The following PRORP variants were observed in gnomAD, a reference collection of about 807,000 sequenced individuals.
PRORP encodes mitochondrial ribonuclease P catalytic subunit.
In PRORP, 51 loss-of-function variants were observed where a neutral mutation model predicts 59.4. That is an observed-to-expected ratio of 0.86 (90% CI 0.69 to 1.08). PRORP has a LOEUF of 1.08. Ranked by LOEUF, PRORP falls within the 50% of genes least tolerant of loss-of-function variation. The pLI is 0.00. For missense variants in PRORP, 646 were observed against 690.3 expected (o/e 0.94, Z 0.72); for synonymous variants, 231 against 245.6 (o/e 0.94, Z 0.55).
chr14:35,136,768 T>G lies in PRORP; in HGVS notation c.1167+9157T>G, dbSNP rs1293533863. On this transcript the variant is annotated intron_variant, in intron 4 of 7. Transcript: ENST00000534898. ...TGGAGGTTTGGGGACCATCACATAATAGTAATAGGTTAAATGCGAAGAGTG... is the reference window on the plus strand; with the variant it reads ...TGGAGGTTTGGGGACCATCACATAAGAGTAATAGGTTAAATGCGAAGAGTG... Among the ~76,000 whole-genome samples the G allele has an allele frequency of 1.4e-5, 2 of 144,762 alleles. 1 individual carries two copies. Among genetic ancestry groups the G allele is most frequent in the African/African-American group, 4.9e-5 (2 of 40,862 alleles). The allele number at this position is 144,762 out of a possible 152,430, so 95.0% of individuals were successfully genotyped here.
At chr14:35,194,993 T>TAA (rs55643733) in intron 5 of PRORP, among the ~76,000 whole-genome samples, 150,752 of 152,288 alleles carry the variant, frequency 0.99, 74,631 homozygotes, top group East Asian at 1. Context: ...CACATGATTT[T>TAA]GTTTTATTTA....
In PRORP at chr14:35,197,059, C is replaced by G. The variant is rs8021037; in HGVS notation, c.1275+16282C>G. Among the ~76,000 whole-genome samples the G allele has an allele frequency of 6.9e-3, 1,046 of 152,310 alleles. 3 individuals carry two copies. Among genetic ancestry groups the G allele is most frequent in the Non-Finnish European group, 0.011 (744 of 68,026 alleles). ...AGATTTCCCCAATTGTTGTAGAAGTCAAGTGATCCAGTGTCTTTGAACAGC... is the reference window on the plus strand; with the variant it reads ...AGATTTCCCCAATTGTTGTAGAAGTGAAGTGATCCAGTGTCTTTGAACAGC... On this transcript the variant is annotated intron_variant, in intron 5 of 7. Coordinates refer to ENST00000534898, the MANE Select transcript of PRORP (RefSeq NM_014672.4).
At chr14:35,272,682 A>G (rs974349254) in intron 7 of PRORP, among the ~76,000 whole-genome samples, 2 of 152,238 alleles carry the variant, frequency 1.3e-5, no homozygotes, top group Non-Finnish European at 2.9e-5. Context: ...TATGGATGAA[A>G]TAAGACTAGA....
At chr14:35,234,428 G>A (rs112446279) in intron 5 of PRORP, among the ~76,000 whole-genome samples, 3,332 of 152,162 alleles carry the variant, frequency 0.022, 55 homozygotes, top group South Asian at 0.061. Context: ...AGCTTTGTTT[G>A]TCCTTTGATC....
rs188052445 is a variant in PRORP at position 35,263,696 on chromosome 14, T to A, written c.1276-3031T>A. 4.0e-3 allele frequency among the ~76,000 whole-genome samples: 611 copies of A among 151,960 alleles called. 2 individuals are homozygous for A. The highest frequency in any genetic ancestry group is 0.016 in the South Asian group (79 of 4,812). ...GAGCAAGACTCTGTCTCAAAAAAAA[T>A]AATAATAATAATATTGGGTACTCCG... On this transcript the variant is annotated intron_variant, in intron 5 of 7. Transcript: ENST00000534898.
intron 5 of PRORP, among the ~76,000 whole-genome samples, chr14:35,265,717 A>G (rs1003552188): frequency 6.6e-6 from 1 of 152,228 alleles, no homozygotes; most frequent in African/African-American, 2.4e-5. Flanking sequence ...AAGAAGTAGA[A>G]GCTTTTATTC....
chr14:35,264,724 T>C (rs2050997162), intron 5 of PRORP, among the ~76,000 whole-genome samples: 1 of 152,088 alleles, frequency 6.6e-6, no homozygotes. Context: ...CTCACGCCTG[T>C]AATCCCAACA....
intron 4 of PRORP, among the ~76,000 whole-genome samples, chr14:35,163,306 T>A (rs2048107048): frequency 6.6e-6 from 1 of 152,160 alleles, no homozygotes; most frequent in African/African-American, 2.4e-5. Context: ...TTATGTACTC[T>A]TGCTGTATTT....
At chr14:35,257,786 TAAAACCTCAGG>T (rs2050797069) in intron 5 of PRORP, among the ~76,000 whole-genome samples, 1 of 152,134 alleles carries the variant, frequency 6.6e-6, no homozygotes, top group Non-Finnish European at 1.5e-5. Flanking sequence ...CTACAATCCA[TAAAACCTCAGG>T]AAGTGCCATA....
intron 4 of PRORP, among the ~76,000 whole-genome samples, chr14:35,165,633 G>A (rs1321712187): frequency 9.0e-6 from 1 of 111,488 alleles, no homozygotes; most frequent in Non-Finnish European, 1.9e-5. Context: ...ACGATTAGGT[G>A]ATTTTTTTCA....
intron 4 of PRORP, among the ~76,000 whole-genome samples, chr14:35,150,075 G>C (rs1280409572): frequency 6.6e-6 from 1 of 152,048 alleles, no homozygotes; most frequent in African/African-American, 2.4e-5. Context: ...GGAACTTCTG[G>C]CCTCAAGTGA....
Position 35,273,740 on chromosome 14 carries a change from T to G in PRORP, c.*174T>G. On this transcript the variant is annotated 3_prime_UTR_variant, in exon 8 of 8. Coordinates refer to ENST00000534898, the MANE Select transcript of PRORP (RefSeq NM_014672.4). ...TGAGATATATCTTTTCATAACCAGCTGCGTTTTTTTCCCCTAACATTTGTT... is the reference window on the plus strand; with the variant it reads ...TGAGATATATCTTTTCATAACCAGCGGCGTTTTTTTCCCCTAACATTTGTT... The G allele has an allele frequency of 3.8e-6, 2 of 520,272 alleles. No homozygotes were observed. The highest frequency in any genetic ancestry group is 1.0e-4 in the South Asian group (2 of 19,844). The allele number at this position is 520,272 out of a possible 1,614,324, so 32.2% of individuals were successfully genotyped here.
chr14:35,194,799 A>G (rs2048969466), intron 5 of PRORP, among the ~76,000 whole-genome samples: 1 of 152,200 alleles, frequency 6.6e-6, no homozygotes, highest in South Asian at 2.1e-4. Flanking sequence ...GTAGCATCCA[A>G]TATATAATCT....
chr14:35,243,431 G>A (rs1178642999), intron 5 of PRORP, among the ~76,000 whole-genome samples: 1 of 151,972 alleles, frequency 6.6e-6, no homozygotes, highest in Non-Finnish European at 1.5e-5. Context: ...ACCTACTTGG[G>A]AGGCTGAGGC....
Position 35,123,665 on chromosome 14 carries a change from C to G in PRORP, c.420C>G (p.Phe140Leu), listed in dbSNP as rs762093457. 1.2e-6 allele frequency: 2 copies of G among 1,614,172 alleles called. No individual in the cohort carries two copies. The highest frequency in any genetic ancestry group is 1.7e-6 in the Non-Finnish European group (2 of 1,180,042). Residue 140 changes from phenylalanine to leucine, a missense_variant, in exon 2 of 8, where the codon TTC (phenylalanine) becomes TTG (leucine). Transcript: ENST00000534898. ...DLKENTGKTS[F>L]ESWIISQMAG... ...AAGAAAACACCGGAAAGACCAGTTT[C>G]GAAAGTTGGATCATTTCACAGATGG...
At chr14:35,265,945 G>A (rs1467159232) in intron 5 of PRORP, among the ~76,000 whole-genome samples, 2 of 150,890 alleles carry the variant, frequency 1.3e-5, no homozygotes, top group East Asian at 3.9e-4. Context: ...GGACGCCAAG[G>A]CAGGAGAATT....
At chr14:35,180,521 A>AGTGTGTGT (rs1422498163) in intron 4 of PRORP, 149 bp from the exon 5 acceptor site, 19 of 467,002 alleles carry the variant, frequency 4.1e-5, no homozygotes, top group African/African-American at 2.5e-4. Context: ...TCATTTGTAG[A>AGTGTGTGT]GTATCTGTGT....
chr14:35,177,005 G>A (rs1241150393), intron 4 of PRORP, among the ~76,000 whole-genome samples: 1 of 152,100 alleles, frequency 6.6e-6, no homozygotes, highest in Non-Finnish European at 1.5e-5. Flanking sequence ...ATAATAGTGT[G>A]GTTTTTGTCT....
At chr14:35,252,609 C>T (rs1470143261) in intron 5 of PRORP, among the ~76,000 whole-genome samples, 1 of 152,112 alleles carries the variant, frequency 6.6e-6, no homozygotes, top group Non-Finnish European at 1.5e-5. Context: ...CTGGGCTTTA[C>T]CCTGTCCAGC....
Sources: allele counts gnomAD v4.1 joint callset (sites outside exome capture counted in the v4.1 genomes callset), GRCh38; gene constraint gnomAD v4.1.1; transcripts MANE v1.5; gene names NCBI Gene and HGNC (gene_info 2026-07-23, HGNC 2026-07-21).